CEP89: variants seen among roughly 807,000 people sequenced by gnomAD.
CEP89 encodes the protein centrosomal protein of 89 kDa.
CEP89 carries 95 observed loss-of-function variants against 97.6 expected under a neutral mutation model. That is an observed-to-expected ratio of 0.97 (90% CI 0.82 to 1.15). The LOEUF is 1.15. Ranked by LOEUF, CEP89 falls within the 50% of genes most tolerant of loss-of-function variation. CEP89 has a pLI of 0.00. For missense variants in CEP89, 869 were observed against 947.7 expected, an observed-to-expected ratio of 0.92 and a Z score of 1.09; for synonymous variants, 354 against 349.1, an observed-to-expected ratio of 1.01 and a Z score of -0.16.
At chr19:32,909,370 T>C (rs890935947) in intron 14 of CEP89, among the ~76,000 whole-genome samples, 1 of 152,110 alleles carries the variant, frequency 6.6e-6, no homozygotes, top group Non-Finnish European at 1.5e-5. Context: ...GCCAGGGAGA[T>C]GCCTGCACAG....
chr19:32,962,540 T>C (rs1971191943), intron 2 of CEP89, among the ~76,000 whole-genome samples: 2 of 152,160 alleles, frequency 1.3e-5, no homozygotes, highest in Non-Finnish European at 2.9e-5. Flanking sequence ...AGAGAAAACC[T>C]TTGTGACCTT....
intron 13 of CEP89, among the ~76,000 whole-genome samples, chr19:32,916,567 T>G (rs996697466): frequency 5.3e-5 from 8 of 152,240 alleles, no homozygotes; most frequent in African/African-American, 1.9e-4. Flanking sequence ...CATTAAACTT[T>G]TATTTTATGT....
At chr19:32,933,420 C>T in intron 8 of CEP89, 31 bp downstream of exon 8, 1 of 1,445,322 alleles carries the variant, frequency 6.9e-7, no homozygotes, top group Non-Finnish European at 9.7e-7. Context: ...CCTGCTCATT[C>T]CTCTAATAAA....
At chr19:32,957,697 C>A (rs1971077793) in intron 3 of CEP89, among the ~76,000 whole-genome samples, 2 of 152,196 alleles carry the variant, frequency 1.3e-5, no homozygotes, top group South Asian at 4.2e-4. Context: ...GTAGTCCCAG[C>A]TACTCTGGAG....
chr19:32,906,350 G>A (rs1473419273), intron 14 of CEP89, among the ~76,000 whole-genome samples: 3 of 151,922 alleles, frequency 2.0e-5, no homozygotes, highest in Non-Finnish European at 4.4e-5. Context: ...ATTGTTTCCA[G>A]AAATTTCATC....
chr19:32,946,828 G>A (rs1354548415), intron 5 of CEP89, among the ~76,000 whole-genome samples: 3 of 152,068 alleles, frequency 2.0e-5, no homozygotes, highest in Admixed American at 1.3e-4. Context: ...CAGCCACGGG[G>A]AACTATGAGT....
At position 32,929,579 on chromosome 19, in the gene CEP89, G is replaced by A. The variant is rs1036822600; in HGVS notation, c.1029+1850C>T. Among the ~76,000 whole-genome samples the A allele has an allele frequency of 2.0e-5, 3 of 151,726 alleles. No homozygotes were observed. The Middle Eastern group carries it at 0.01, about 520-fold the overall frequency. On this transcript the variant is annotated intron_variant, in intron 9 of 18. Transcript: ENST00000305768. ...ATTGTGCATGCTGCACTCCAGCCTG[G>A]GCGACATAGAGAGACTGTGTCTAAA...
Position 32,941,740 on chromosome 19 carries a change from A to C in CEP89, c.596-1855T>G, listed in dbSNP as rs114202687. Among the ~76,000 whole-genome samples the C allele has an allele frequency of 3.0e-3, 463 of 151,950 alleles. 3 individuals carry two copies. Among genetic ancestry groups the C allele is most frequent in the African/African-American group, 0.01 (430 of 41,454 alleles). ...CCCTCCTTTCCCTACCACCTTCCCT[A>C]ACTGAGAGACAACCACCTCTACTGC... On this transcript the variant is annotated intron_variant, in intron 5 of 18. Coordinates refer to ENST00000305768, the MANE Select transcript of CEP89 (RefSeq NM_032816.5).
At chr19:32,957,355 C>T (rs1568580914) in intron 3 of CEP89, among the ~76,000 whole-genome samples, 1 of 152,032 alleles carries the variant, frequency 6.6e-6, no homozygotes, top group Non-Finnish European at 1.5e-5. Flanking sequence ...TGGATTTAAT[C>T]GGAAATAGTT....
intron 4 of CEP89, among the ~76,000 whole-genome samples, chr19:32,949,946 C>A (rs1456075209): frequency 1.3e-5 from 2 of 151,930 alleles, no homozygotes; most frequent in Admixed American, 1.3e-4. Flanking sequence ...TCCAAGATGA[C>A]CTGGCTCAAG....
chr19:32,893,965 T>C (rs1442727984), intron 16 of CEP89, among the ~76,000 whole-genome samples: 1 of 152,124 alleles, frequency 6.6e-6, no homozygotes, highest in Non-Finnish European at 1.5e-5. Flanking sequence ...AACCTAATGA[T>C]GTACCTCAAG....
chr19:32,955,693 T>A (rs1971031468), intron 3 of CEP89, among the ~76,000 whole-genome samples: 1 of 152,006 alleles, frequency 6.6e-6, no homozygotes, highest in Admixed American at 6.6e-5. Context: ...TTTGTATTTT[T>A]AGTAGACATG....
At position 32,915,495 on chromosome 19, in the gene CEP89, T is replaced by G. The variant is rs886643009; in HGVS notation, c.1407A>C (p.Leu469=). The change falls in exon 14 of 19, where the codon CTA becomes CTC. Residue 469 remains leucine, a synonymous_variant. Coordinates refer to ENST00000305768, the MANE Select transcript of CEP89 (RefSeq NM_032816.5). ...LQEVSKLTKQ[L]MLLEAKTHGQ... ...CGTGGGTTTTTGCCTCCAGGAGCAT[T>G]AGTTGTTTAGTCAGCTTAGAAACTG... 1 of 1,611,146 alleles carries G rather than the reference T, an allele frequency of 6.2e-7. No homozygotes were observed. The highest frequency in any genetic ancestry group is 8.5e-7 in the Non-Finnish European group (1 of 1,179,362).
intron 9 of CEP89, among the ~76,000 whole-genome samples, chr19:32,929,661 T>C (rs916087923): frequency 4.0e-5 from 6 of 151,252 alleles, no homozygotes; most frequent in African/African-American, 1.5e-4. Context: ...CAGGGAAGAC[T>C]GTCTTGGAGA....
At chr19:32,922,792 G>T (rs1309300548) in intron 12 of CEP89, among the ~76,000 whole-genome samples, 5 of 150,554 alleles carry the variant, frequency 3.3e-5, no homozygotes, top group African/African-American at 1.2e-4. Flanking sequence ...AGGTTGCAGT[G>T]AGCCGAGATC....
intron 4 of CEP89, 147 bp from the exon 5 acceptor site, chr19:32,948,515 A>G: frequency 1.9e-6 from 1 of 536,816 alleles, no homozygotes; most frequent in Non-Finnish European, 3.3e-6. Context: ...CCTCAGTGAC[A>G]CACAAAAGGC....
intron 14 of CEP89, among the ~76,000 whole-genome samples, chr19:32,911,140 A>C (rs1172716297): frequency 6.6e-6 from 1 of 152,202 alleles, no homozygotes; most frequent in African/African-American, 2.4e-5. Flanking sequence ...GACATCACTA[A>C]GTGATAGGAA....
At chr19:32,932,053 C>G (rs1599753289) in intron 8 of CEP89, among the ~76,000 whole-genome samples, 2 of 151,628 alleles carry the variant, frequency 1.3e-5, no homozygotes, top group African/African-American at 4.8e-5. Context: ...TAATGGCGGG[C>G]GCCTATATTC....
chr19:32,911,176 G>A (rs1276188186), intron 14 of CEP89, among the ~76,000 whole-genome samples: 1 of 152,194 alleles, frequency 6.6e-6, no homozygotes, highest in Admixed American at 6.5e-5. Context: ...ATAATTGTAT[G>A]GGACCACTGT....
Sources: allele counts gnomAD v4.1 joint callset (sites outside exome capture counted in the v4.1 genomes callset), GRCh38; gene constraint gnomAD v4.1.1; transcripts MANE v1.5; gene names NCBI Gene and HGNC (gene_info 2026-07-23, HGNC 2026-07-21).